The following NPAS1 variants were observed in gnomAD, a reference collection of about 807,000 sequenced individuals.
NPAS1 encodes neuronal PAS domain-containing protein 1.
In NPAS1, 29 loss-of-function variants were observed where a neutral mutation model predicts 49.2. That is an observed-to-expected ratio of 0.59 (90% CI 0.44 to 0.80). The LOEUF (loss-of-function observed/expected upper bound fraction) is 0.80. Ranked by LOEUF, NPAS1 falls within the 30% of genes least tolerant of loss-of-function variation. The pLI is 0.00. For synonymous variants in NPAS1, 408 were observed against 380.4 expected, an observed-to-expected ratio of 1.07 and a Z score of -0.84; for missense variants, 825 against 835.5, an observed-to-expected ratio of 0.99 and a Z score of 0.15.
In NPAS1 at chr19:47,040,742, G is replaced by T. The variant is rs3745617; in HGVS notation, c.1069+192G>T. 33,508 of 592,588 alleles carry T rather than the reference G, an allele frequency of 0.057. 1,178 individuals are homozygous for T. Among genetic ancestry groups the T allele is most frequent in the East Asian group, 0.13 (4,483 of 34,342 alleles). 36.7% of individuals were successfully genotyped at this position (592,588 alleles called of 1,614,324 possible). On this transcript the variant is annotated intron_variant, in intron 9 of 11. Transcript: ENST00000602212. ...TGATGCCTCAGGATGTGTGTGTGGG[G>T]GGGGGGTCTGGGGGGCTGTGGGGTC...
intron 5 of NPAS1, among the ~76,000 whole-genome samples, chr19:47,033,975 TAAAAAAAAAAAAAAAAA>T (rs532811476): frequency 5.3e-4 from 53 of 100,826 alleles, no homozygotes; most frequent in South Asian, 1.9e-3. Flanking sequence ...GGCTATGCCT[TAAAAAAAAAAAAAAAAA>T]AAAAAAAAAA....
intron 11 of NPAS1, among the ~76,000 whole-genome samples, chr19:47,044,562 C>T (rs971910934): frequency 1.3e-5 from 2 of 152,194 alleles, no homozygotes; most frequent in Non-Finnish European, 2.9e-5. Flanking sequence ...ACCAGGGTAT[C>T]TTGATCTCTG....
intron 9 of NPAS1, 90 bp from the exon 10 acceptor site, chr19:47,040,888 C>A: frequency 8.9e-7 from 1 of 1,126,426 alleles, no homozygotes; most frequent in South Asian, 1.7e-5. Flanking sequence ...CCTGCTCTCA[C>A]TCCTCCTGTC....
chr19:47,028,249 G>A (rs532146320), intron 3 of NPAS1, among the ~76,000 whole-genome samples: 3 of 152,082 alleles, frequency 2.0e-5, no homozygotes, highest in African/African-American at 4.8e-5. Context: ...CCTGTCACCC[G>A]GCTGGTTCCG....
chr19:47,040,502 T>C lies in NPAS1; in HGVS notation c.1021T>C (p.Phe341Leu), dbSNP rs1349123342. 2 of 1,605,152 alleles carry C rather than the reference T, an allele frequency of 1.2e-6. No homozygotes were observed. The change falls in exon 9 of 12, where the codon TTT (phenylalanine) becomes CTT (leucine). Residue 341 changes from phenylalanine to leucine, a missense_variant. By Grantham distance (22) the Phe-to-Leu change is conservative. Coordinates refer to ENST00000602212, the MANE Select transcript of NPAS1 (RefSeq NM_002517.4). ...GCTGGTGGGCCGCAGCTGCTACCAG[T>C]TTGTCCACGGACAGGACGCCACGAG... The part of the protein sequence containing the change: ...SELVGRSCYQ[F>L]VHGQDATRIR...
intron 3 of NPAS1, among the ~76,000 whole-genome samples, chr19:47,022,431 TA>T (rs2056848000): frequency 6.6e-6 from 1 of 152,174 alleles, no homozygotes; most frequent in African/African-American, 2.4e-5. Context: ...CTCTGTGCCT[TA>T]ATGTGAAGTG....
chr19:47,021,584 C>G lies in NPAS1; in HGVS notation c.123-28C>G. The G allele has an allele frequency of 1.4e-6, 2 of 1,421,062 alleles. No individual in the cohort carries two copies. The highest frequency in any genetic ancestry group is 1.8e-6 in the Non-Finnish European group (2 of 1,083,454). 88.0% of individuals were successfully genotyped at this position (1,421,062 alleles called of 1,614,324 possible). On this transcript the variant is annotated intron_variant, in intron 2 of 11. Coordinates refer to ENST00000602212, the MANE Select transcript of NPAS1 (RefSeq NM_002517.4). This position sits in a 1 kb window ranked among gnomAD's most constrained non-coding sequence, Gnocchi z 5.7. ...AAGCCCCTGAGCCCCGGGGCCCCGC[C>G]GACACCTCCTCCGCGCCGCCCGCCC...
At chr19:47,040,338 C>T in intron 8 of NPAS1, 106 bp from the exon 9 acceptor site, 1 of 700,560 alleles carries the variant, frequency 1.4e-6, no homozygotes, top group Non-Finnish European at 2.5e-6. Flanking sequence ...GTTATTGCAC[C>T]CATTTTACAG....
At chr19:47,020,908 A>G in intron 1 of NPAS1, 98 bp from the exon 2 acceptor site, 1 of 129,316 alleles carries the variant, frequency 7.7e-6, no homozygotes, top group Non-Finnish European at 1.4e-5. Flanking sequence ...CCCCCCCCCC[A>G]GCTCCTTGCT....
At chr19:47,031,722 G>A (rs918920342) in intron 3 of NPAS1, among the ~76,000 whole-genome samples, 2 of 149,966 alleles carry the variant, frequency 1.3e-5, no homozygotes, top group South Asian at 4.2e-4. Context: ...GTAGAGATGG[G>A]GATCCAACAT....
chr19:47,031,482 G>A (rs2056904887), intron 3 of NPAS1, among the ~76,000 whole-genome samples: 1 of 151,126 alleles, frequency 6.6e-6, no homozygotes, highest in Non-Finnish European at 1.5e-5. Flanking sequence ...ATAGGCATGA[G>A]CCACCTCGCC....
intron 5 of NPAS1, among the ~76,000 whole-genome samples, chr19:47,033,898 C>A (rs1467311133): frequency 7.2e-6 from 1 of 139,786 alleles, no homozygotes; most frequent in Admixed American, 7.6e-5. Context: ...ATCGCTTGAG[C>A]CCATAGGGTC....
At chr19:47,040,890 C>T in intron 9 of NPAS1, 88 bp from the exon 10 acceptor site, 1 of 1,145,714 alleles carries the variant, frequency 8.7e-7, no homozygotes, top group South Asian at 1.7e-5. Flanking sequence ...TGCTCTCACT[C>T]CTCCTGTCTC....
chr19:47,027,147 G>A (rs998712908), intron 3 of NPAS1, among the ~76,000 whole-genome samples: 6 of 152,184 alleles, frequency 3.9e-5, no homozygotes, highest in South Asian at 4.1e-4. Context: ...GGCCTGCGGC[G>A]CTTTGACGAT....
chr19:47,030,440 G>A (rs1265375984), intron 3 of NPAS1, among the ~76,000 whole-genome samples: 2 of 151,830 alleles, frequency 1.3e-5, no homozygotes, highest in African/African-American at 4.8e-5. Context: ...GTGCTTATTG[G>A]CCATTTGTGT....
chr19:47,040,871 C>T, intron 9 of NPAS1, 107 bp from the exon 10 acceptor site: 1 of 934,006 alleles, frequency 1.1e-6, no homozygotes, highest in Non-Finnish European at 1.6e-6. Flanking sequence ...GTCTCCCTGC[C>T]CACTCCCCTG....
intron 5 of NPAS1, among the ~76,000 whole-genome samples, chr19:47,035,058 G>A (rs2056938424): frequency 6.6e-6 from 1 of 151,482 alleles, no homozygotes; most frequent in Admixed American, 6.6e-5. Context: ...GCACATGCCT[G>A]TAATCCCAGC....
At chr19:47,031,347 G>T (rs149890327) in intron 3 of NPAS1, among the ~76,000 whole-genome samples, 35 of 151,414 alleles carry the variant, frequency 2.3e-4, no homozygotes, top group Middle Eastern at 6.8e-3. Flanking sequence ...ACAGGCCCAC[G>T]CCACCATGCC....
At chr19:47,030,629 C>A (rs956555756) in intron 3 of NPAS1, among the ~76,000 whole-genome samples, 1 of 146,700 alleles carries the variant, frequency 6.8e-6, no homozygotes, top group Non-Finnish European at 1.5e-5. Context: ...CGTGCCTGGC[C>A]CTTTGCCTTT....
Sources: allele counts gnomAD v4.1 joint callset (sites outside exome capture counted in the v4.1 genomes callset), GRCh38; gene constraint gnomAD v4.1.1; non-coding constraint Gnocchi (gnomAD v3.1); transcripts MANE v1.5; gene names NCBI Gene and HGNC (gene_info 2026-07-23, HGNC 2026-07-21).